The following CTNND2 variants were observed in gnomAD, a reference collection of about 807,000 sequenced individuals.
CTNND2 encodes catenin delta-2.
A neutral mutation model predicts 144.4 loss-of-function variants in CTNND2; 22 were observed. The observed-to-expected ratio is 0.15, with a 90% CI of 0.11 to 0.22. CTNND2 has a LOEUF of 0.22. Ranked by LOEUF, CTNND2 falls within the 10% of genes least tolerant of loss-of-function variation. CTNND2 has a pLI of 1.00. For synonymous variants in CTNND2, 751 were observed against 695.6 expected, an observed-to-expected ratio of 1.08 and a Z score of -1.25; for missense variants, 1,353 against 1,618.8, an observed-to-expected ratio of 0.84 and a Z score of 2.82.
At chr5:11,644,831 C>CT (rs1364194620) in intron 2 of CTNND2, among the ~76,000 whole-genome samples, 1 of 152,016 alleles carries the variant, frequency 6.6e-6, no homozygotes, top group Admixed American at 6.6e-5. Context: ...CTGTGGATAA[C>CT]TATGAAAATA....
At chr5:11,110,579 G>C (rs953209996) in intron 14 of CTNND2, among the ~76,000 whole-genome samples, 1 of 152,088 alleles carries the variant, frequency 6.6e-6, no homozygotes, top group South Asian at 2.1e-4. Context: ...TTAACACAGC[G>C]CCTGCTCAGA....
At position 11,091,083 on chromosome 5, in the gene CTNND2, T is replaced by C. The variant is rs191905046; in HGVS notation, c.2637+7492A>G. The stretch of plus-strand genomic sequence containing the variant: ...TTTGGGAAATTTTCAGTCATTATTT[T>C]TTCAAAAATTTTTTCCTATTCTCTT... On this transcript the variant is annotated intron_variant, in intron 15 of 21. Transcript: ENST00000304623. 3.7e-3 allele frequency among the ~76,000 whole-genome samples: 559 copies of C among 152,296 alleles called. 2 individuals carry two copies. Among genetic ancestry groups the C allele is most frequent in the Admixed American group, 0.011 (168 of 15,298 alleles).
chr5:11,444,329 C>T (rs1011851319), intron 3 of CTNND2, among the ~76,000 whole-genome samples: 3 of 152,146 alleles, frequency 2.0e-5, no homozygotes, highest in Admixed American at 6.6e-5. Flanking sequence ...CATGAATTAG[C>T]TCCACAATTG....
chr5:11,090,785 A>G (rs796906609), intron 15 of CTNND2, among the ~76,000 whole-genome samples: 6 of 150,860 alleles, frequency 4.0e-5, no homozygotes, highest in Admixed American at 2.6e-4. Flanking sequence ...GATTGAGCCC[A>G]GTAAGTTCAG....
At chr5:11,597,884 A>G (rs1279091039) in intron 2 of CTNND2, among the ~76,000 whole-genome samples, 1 of 152,202 alleles carries the variant, frequency 6.6e-6, no homozygotes, top group Non-Finnish European at 1.5e-5. Flanking sequence ...TGAAAATATA[A>G]TAATAACAAT....
intron 1 of CTNND2, among the ~76,000 whole-genome samples, chr5:11,866,120 T>C (rs979032477): frequency 1.3e-5 from 2 of 151,930 alleles, no homozygotes; most frequent in African/African-American, 4.8e-5. Flanking sequence ...CTGGGCAACA[T>C]AGAAAGACCT....
intron 16 of CTNND2, among the ~76,000 whole-genome samples, chr5:11,040,127 T>C (rs1561212372): frequency 6.6e-6 from 1 of 151,992 alleles, no homozygotes; most frequent in East Asian, 1.9e-4. Context: ...GTGCCTGTAA[T>C]CCCAGCTACT....
chr5:11,495,064 C>T (rs79213734), intron 3 of CTNND2, among the ~76,000 whole-genome samples: 12,732 of 152,130 alleles, frequency 0.084, 707 homozygotes, highest in Non-Finnish European at 0.13. Flanking sequence ...AATCAATTTG[C>T]CTTAGTGTTT....
chr5:11,479,623 A>C, intron 3 of CTNND2, among the ~76,000 whole-genome samples: 1 of 152,324 alleles, frequency 6.6e-6, no homozygotes, highest in Admixed American at 6.5e-5. Context: ...CCAACAGTGT[A>C]TAAACATTCC....
Position 11,798,024 on chromosome 5 carries a change from A to G in CTNND2, c.38-65752T>C, listed in dbSNP as rs527775767. Among the ~76,000 whole-genome samples the G allele has an allele frequency of 1.4e-4, 22 of 152,194 alleles. No individual in the cohort carries two copies. The East Asian group carries it at 4.3e-3, about 30-fold the overall frequency. ...TGTAATCCTAGCATTTTGGGAGGCC[A>G]AGGTGGGCAGATCACCTGAGGTGAG... On this transcript the variant is annotated intron_variant, in intron 1 of 21. Coordinates refer to ENST00000304623, the MANE Select transcript of CTNND2 (RefSeq NM_001332.4).
intron 2 of CTNND2, among the ~76,000 whole-genome samples, chr5:11,639,910 A>G (rs1781906119): frequency 6.6e-6 from 1 of 152,198 alleles, no homozygotes; most frequent in Non-Finnish European, 1.5e-5. Context: ...TGTCTTAACA[A>G]TGAAAGTCTG....
chr5:11,202,503 T>C (rs892198956), intron 10 of CTNND2, among the ~76,000 whole-genome samples: 5 of 152,230 alleles, frequency 3.3e-5, no homozygotes, highest in Non-Finnish European at 5.9e-5. Context: ...AAACTTGTTT[T>C]CTTGGGGTTT....
Position 11,679,497 on chromosome 5 carries a change from G to A in CTNND2, c.174+52639C>T, listed in dbSNP as rs542692223. Among the ~76,000 whole-genome samples the A allele has an allele frequency of 3.3e-5, 5 of 152,304 alleles. No homozygotes were observed. In the South Asian group the frequency reaches 1.0e-3, roughly 32 times the overall value. Reference sequence around the variant, plus strand: ...AGCAGGTTTCTCTGAAACAAAGTATGTAATATAGTCTAGGAATTGTCAGCC... The same window carrying A: ...AGCAGGTTTCTCTGAAACAAAGTATATAATATAGTCTAGGAATTGTCAGCC... On this transcript the variant is annotated intron_variant, in intron 2 of 21. Coordinates refer to ENST00000304623, the MANE Select transcript of CTNND2 (RefSeq NM_001332.4).
At chr5:11,000,777 T>A (rs1482570461) in intron 18 of CTNND2, among the ~76,000 whole-genome samples, 5 of 152,134 alleles carry the variant, frequency 3.3e-5, no homozygotes, top group Non-Finnish European at 5.9e-5. Context: ...TTAAGGGCAA[T>A]GTGACTCATC....
intron 11 of CTNND2, 91 bp downstream of exon 11, chr5:11,199,357 A>G: frequency 1.7e-6 from 2 of 1,162,994 alleles, no homozygotes. Flanking sequence ...AGAACACCAC[A>G]ATATTTATTT....
chr5:11,839,808 A>G (rs1034691369), intron 1 of CTNND2, among the ~76,000 whole-genome samples: 10 of 145,782 alleles, frequency 6.9e-5, no homozygotes, highest in African/African-American at 2.5e-4. Context: ...GAGAGAGAGC[A>G]TCTACCTGTG....
At chr5:11,742,594 C>A (rs928601130) in intron 1 of CTNND2, among the ~76,000 whole-genome samples, 2 of 152,146 alleles carry the variant, frequency 1.3e-5, no homozygotes, top group African/African-American at 4.8e-5. Flanking sequence ...CATCATCAGG[C>A]ATTACTTTCA....
At chr5:11,243,481 G>C (rs1742662554) in intron 9 of CTNND2, among the ~76,000 whole-genome samples, 1 of 152,184 alleles carries the variant, frequency 6.6e-6, no homozygotes, top group Non-Finnish European at 1.5e-5. Flanking sequence ...AGAAATGTCA[G>C]GTATTGTATA....
At chr5:11,710,083 A>T (rs1478921248) in intron 2 of CTNND2, among the ~76,000 whole-genome samples, 1 of 152,174 alleles carries the variant, frequency 6.6e-6, no homozygotes, top group Non-Finnish European at 1.5e-5. Context: ...AGGTGACCAC[A>T]GATAACTCTA....
Sources: gnomAD v4.1 joint callset for allele counts (sites outside exome capture counted in the v4.1 genomes callset) on GRCh38, gnomAD v4.1.1 for gene constraint, MANE v1.5 for transcripts, NCBI Gene and HGNC (gene_info 2026-07-23, HGNC 2026-07-21) for gene names.